Variants in PDE4D observed in about 807,000 individuals in gnomAD.
PDE4D encodes the protein 3',5'-cyclic-AMP phosphodiesterase 4D.
Under a neutral mutation model 87.4 loss-of-function variants are expected in PDE4D, and 24 were observed. The observed-to-expected ratio is 0.27, with a 90% confidence interval of 0.20 to 0.39. The LOEUF (loss-of-function observed/expected upper bound fraction) is 0.39, where lower values mean the gene tolerates loss of function less well. Among genes scored for constraint, PDE4D ranks in the 10% least tolerant of loss-of-function variants. The pLI is 1.00. For missense variants in PDE4D, 714 were observed against 1,041.0 expected (o/e 0.69, Z 4.32); for synonymous variants, 384 against 383.2 (o/e 1.00, Z -0.02).
chr5:60,254,476 C>T, intron 1 of PDE4D, among the ~76,000 whole-genome samples: 1 of 151,888 alleles, frequency 6.6e-6, no homozygotes, highest in East Asian at 1.9e-4. Context: ...TATCTTTTGC[C>T]AGAATCCATT....
At chr5:59,386,367 C>T (rs1047502484) in intron 1 of PDE4D, among the ~76,000 whole-genome samples, 2 of 152,042 alleles carry the variant, frequency 1.3e-5, no homozygotes, top group Non-Finnish European at 2.9e-5. Flanking sequence ...GCTTCAAAAT[C>T]TTAAAGAAAA....
chr5:59,895,495 T>G (rs2152758356), upstream of PDE4D, among the ~76,000 whole-genome samples: 1 of 152,342 alleles, frequency 6.6e-6, no homozygotes, highest in South Asian at 2.1e-4. Flanking sequence ...ACAAAGGCAC[T>G]CTTTTTGCCC....
At chr5:59,458,461 T>C (rs1283650398) in intron 1 of PDE4D, among the ~76,000 whole-genome samples, 3 of 152,230 alleles carry the variant, frequency 2.0e-5, no homozygotes. Context: ...GATTTTGAAC[T>C]GCAGAGGACA....
intron 1 of PDE4D, among the ~76,000 whole-genome samples, chr5:60,355,533 T>C (rs1433328371): frequency 6.6e-6 from 1 of 152,118 alleles, no homozygotes; most frequent in Non-Finnish European, 1.5e-5. Context: ...AACCTTTTAA[T>C]CTACTACAGC....
chr5:60,098,380 G>T (rs989811003), intron 2 of PDE4D, among the ~76,000 whole-genome samples: 4 of 151,800 alleles, frequency 2.6e-5, no homozygotes, highest in Non-Finnish European at 5.9e-5. Flanking sequence ...GACAGTAAAG[G>T]CATGTTAACA....
At chr5:59,614,127 A>G (rs1347116908) in intron 1 of PDE4D, among the ~76,000 whole-genome samples, 1 of 152,204 alleles carries the variant, frequency 6.6e-6, no homozygotes, top group Non-Finnish European at 1.5e-5. Context: ...GCATAATTTA[A>G]GTAAGTTCTG....
intron 1 of PDE4D, chr5:60,460,818 T>G (rs1746872635): frequency 1.9e-6 from 1 of 517,388 alleles, no homozygotes; most frequent in South Asian, 2.3e-5. Flanking sequence ...GGTATAAGAT[T>G]TATTGGTTAA....
intron 2 of PDE4D, among the ~76,000 whole-genome samples, chr5:60,086,462 A>G (rs1378413991): frequency 6.6e-6 from 1 of 152,208 alleles, no homozygotes; most frequent in Non-Finnish European, 1.5e-5. Context: ...TCATAAGAAC[A>G]TTTTATGAAC....
intron 5 of PDE4D, among the ~76,000 whole-genome samples, chr5:59,152,057 G>A (rs1392935594): frequency 6.6e-6 from 1 of 152,176 alleles, no homozygotes; most frequent in Non-Finnish European, 1.5e-5. Context: ...ACTGCAGGGT[G>A]TGGAATCTGA....
intron 1 of PDE4D, among the ~76,000 whole-genome samples, chr5:59,429,634 C>T: frequency 6.6e-6 from 1 of 152,178 alleles, no homozygotes; most frequent in Admixed American, 6.6e-5. Context: ...AATGGAACAT[C>T]TTTATAAATG....
rs1771176264 is a variant in PDE4D, at chr5:59,104,036, GA to G, written c.809-65066del. Among the ~76,000 whole-genome samples, 14 of 149,648 alleles carry G rather than the reference GA, an allele frequency of 9.4e-5. No individual in the cohort carries two copies. In the Admixed American group the frequency reaches 9.5e-4, roughly 10 times the overall value. On this transcript the variant is annotated intron_variant, in intron 5 of 14. Transcript: ENST00000340635. ...TAATCGAATTAGATAATATATGTTC[GA>G]GACTATATAGAACCTCAAAAATGTT... is the stretch of plus-strand genomic sequence containing the variant.
chr5:60,091,723 G>T (rs1775131577), intron 2 of PDE4D, among the ~76,000 whole-genome samples: 1 of 152,104 alleles, frequency 6.6e-6, no homozygotes, highest in Non-Finnish European at 1.5e-5. Context: ...CCAAGATATG[G>T]AAGCAACCTA....
chr5:59,976,597 C>T (rs190604372), intron 3 of PDE4D, among the ~76,000 whole-genome samples: 2 of 152,290 alleles, frequency 1.3e-5, no homozygotes, highest in East Asian at 3.9e-4. Flanking sequence ...AAACAATGAG[C>T]CAAATAAATC....
intron 5 of PDE4D, among the ~76,000 whole-genome samples, chr5:59,144,928 G>T (rs931074581): frequency 1.4e-5 from 2 of 139,114 alleles, no homozygotes; most frequent in Non-Finnish European, 1.5e-5. Context: ...GCTGATTGTT[G>T]TTATTGTTTT....
intron 2 of PDE4D, chr5:59,988,836 C>T: frequency 1.8e-6 from 1 of 541,552 alleles, no homozygotes; most frequent in Non-Finnish European, 3.2e-6. Context: ...ATGAAAAATG[C>T]TATCTAGAAA....
rs557591746 is a variant in PDE4D, at chr5:59,769,064, GT to G, written c.455+124103del. Among the ~76,000 whole-genome samples, 204 of 146,864 alleles carry G rather than the reference GT, an allele frequency of 1.4e-3. 1 individual carries two copies. Among genetic ancestry groups the G allele is most frequent in the African/African-American group, 4.9e-3 (199 of 40,260 alleles). Reference sequence around the variant, plus strand: ...CATAAAAGAAAAATGCCAATCCTTTGTTTTTTTCTCTCTTTTTTTTTTAATA... The same window carrying G: ...CATAAAAGAAAAATGCCAATCCTTTGTTTTTTCTCTCTTTTTTTTTTAATA... On this transcript the variant is annotated intron_variant, in intron 1 of 14. Coordinates refer to ENST00000340635, the MANE Select transcript of PDE4D (RefSeq NM_001104631.2).
chr5:59,479,487 T>C (rs959885678), intron 1 of PDE4D, among the ~76,000 whole-genome samples: 2 of 152,136 alleles, frequency 1.3e-5, no homozygotes, highest in African/African-American at 2.4e-5. Flanking sequence ...CCAACCTGGA[T>C]AATAATTCCA....
chr5:59,718,874 C>T (rs984281211), intron 1 of PDE4D, among the ~76,000 whole-genome samples: 1 of 151,916 alleles, frequency 6.6e-6, no homozygotes, highest in Non-Finnish European at 1.5e-5. Context: ...AAAATAGAGG[C>T]ATATTTATCA....
intron 6 of PDE4D, among the ~76,000 whole-genome samples, chr5:59,016,338 GT>G (rs1409949475): frequency 1.8e-5 from 2 of 113,916 alleles, no homozygotes; most frequent in Non-Finnish European, 1.8e-5. Context: ...TTTTGCCACT[GT>G]TTCATATCAC....
Sources: allele counts gnomAD v4.1 joint callset (sites outside exome capture counted in the v4.1 genomes callset), GRCh38; gene constraint gnomAD v4.1.1; transcripts MANE v1.5; gene names NCBI Gene and HGNC (gene_info 2026-07-23, HGNC 2026-07-21).